Variants in ENDOV observed in about 807,000 individuals in gnomAD.
The protein encoded by ENDOV is endonuclease V.
Under a neutral mutation model 39.4 loss-of-function variants are expected in ENDOV, and 37 were observed. The ratio of observed to expected loss-of-function variants is 0.94; its 90% CI spans 0.72 to 1.23. The LOEUF is 1.23. ENDOV is among the 50% of genes most tolerant of loss of function. The probability of loss-of-function intolerance (pLI) is 0.00; values close to 1 mark genes in which losing one functional copy is unlikely to be tolerated. For missense variants in ENDOV, 441 were observed against 375.7 expected (o/e 1.17, Z -1.44); for synonymous variants, 186 against 163.4 (o/e 1.14, Z -1.05).
chr17:80,422,484 T>A (rs1382709150), intron 4 of ENDOV, among the ~76,000 whole-genome samples: 1 of 152,254 alleles, frequency 6.6e-6, no homozygotes, highest in Non-Finnish European at 1.5e-5. Flanking sequence ...CGCCACTGCC[T>A]TCTCTACAGT....
intron 8 of ENDOV, 146 bp from the exon 9 acceptor site, chr17:80,429,627 C>T (rs1051803106): frequency 3.4e-5 from 24 of 713,132 alleles, no homozygotes; most frequent in Non-Finnish European, 4.9e-5. Context: ...GTCTGAGCAG[C>T]GTGCTCTGCC....
At chr17:80,419,049 T>G (rs868560653) in intron 2 of ENDOV, among the ~76,000 whole-genome samples, 25 of 151,650 alleles carry the variant, frequency 1.6e-4, no homozygotes, top group Non-Finnish European at 2.8e-4. Flanking sequence ...GGCGGGCACC[T>G]GTAGTCCCAG....
chr17:80,419,528 AGT>A (rs1228825734), intron 2 of ENDOV: 2 of 697,922 alleles, frequency 2.9e-6, no homozygotes, highest in African/African-American at 1.7e-5. Flanking sequence ...AGCAATGGCT[AGT>A]GTGTTCTGCT....
chr17:80,418,400 A>T (rs1280486191), intron 2 of ENDOV: 1 of 152,252 alleles, frequency 6.6e-6, no homozygotes, highest in Non-Finnish European at 1.5e-5. Context: ...ACATTGTATT[A>T]AAGTTAGTCA....
chr17:80,416,138 G>A (rs1007917005), intron 2 of ENDOV: 1 of 217,502 alleles, frequency 4.6e-6, no homozygotes, highest in African/African-American at 2.4e-5. Context: ...TCGGAAGGCT[G>A]AGGCGGGAGA....
Position 80,421,798 on chromosome 17 carries a change from C to T in ENDOV, c.229-30C>T, listed in dbSNP as rs775267276. 11 of 1,576,634 alleles carry T rather than the reference C, an allele frequency of 7.0e-6. No homozygotes were observed. In the African/African-American group the frequency reaches 9.4e-5, roughly 14 times the overall value. On this transcript the variant is annotated intron_variant, in intron 2 of 9. Coordinates refer to ENST00000518137, the MANE Select transcript of ENDOV (RefSeq NM_173627.5). ...ATGGAGCAGGTGGCCGAAGGCTGTG[C>T]TTCCCACTGAGCTGCGTGCCTGGTG... is the stretch of plus-strand genomic sequence containing the variant.
chr17:80,427,790 C>T lies in ENDOV; in HGVS notation c.715-806C>T, dbSNP rs892136859. The stretch of plus-strand genomic sequence containing the variant: ...GGCCCCATGGTCACAGGCGCTGCGG[C>T]GCTCCTGGTTGCCAGGTCCAGGCTC... On this transcript the variant is annotated intron_variant, in intron 7 of 9. Coordinates refer to ENST00000518137, the MANE Select transcript of ENDOV (RefSeq NM_173627.5). 1.2e-5 allele frequency: 16 copies of T among 1,289,060 alleles called. No homozygotes were observed. In the African/African-American group the frequency reaches 1.4e-4, roughly 11 times the overall value. The allele number at this position is 1,289,060 out of a possible 1,614,324, so 79.9% of individuals were successfully genotyped here.
Position 80,422,142 on chromosome 17 carries a change from A to T in ENDOV, c.364-64A>T, listed in dbSNP as rs1264939007. ...ACAGTGCCCCCTTCTTGCCTCAGGG[A>T]TGGCCCTGTCCTGAGGGCCGAGGGG... is the stretch of plus-strand genomic sequence containing the variant. On this transcript the variant is annotated intron_variant, in intron 3 of 9. Transcript: ENST00000518137. 15 of 1,601,158 alleles carry T rather than the reference A, an allele frequency of 9.4e-6. No homozygotes were observed. In the Admixed American group the frequency reaches 2.4e-4, roughly 25 times the overall value.
chr17:80,415,796 T>G lies in ENDOV; in HGVS notation c.203T>G (p.Val68Gly), dbSNP rs1431672831. The G allele has an allele frequency of 6.2e-7, 1 of 1,600,758 alleles. No individual in the cohort carries two copies. The highest frequency in any genetic ancestry group is 1.1e-5 in the South Asian group (1 of 88,764). The change falls in exon 2 of 10, where the codon GTG becomes GGG. Residue 68 changes from valine to glycine, a missense_variant. Physicochemically the swap from Val to Gly is moderately radical, Grantham distance 109. Coordinates refer to ENST00000518137, the MANE Select transcript of ENDOV (RefSeq NM_173627.5). ...AGTGTCCGCGCTTGTGCTTCCCTGG[T>G]GGTGCTCAGCTTCCCTGAGCTCGAG... ...GDSVRACASL[V>G]VLSFPELEVV...
chr17:80,421,852 G>A lies in ENDOV; in HGVS notation c.253G>A (p.Val85Ile), dbSNP rs2082077903. Residue 85 changes from valine (V) to isoleucine (I), a missense_variant, in exon 3 of 10, where the codon GTC (valine) becomes ATC (isoleucine). Transcript: ENST00000518137. The stretch of plus-strand genomic sequence containing the variant: ...GGTGGTGTATGAGGAGAGCCGCATG[G>A]TCAGCCTCACAGCCCCCTACGTGTC... The part of the protein sequence containing the change: ...LEVVYEESRM[V>I]SLTAPYVSGF... 3.1e-6 allele frequency: 5 copies of A among 1,602,160 alleles called. No individual in the cohort carries two copies. Among genetic ancestry groups the A allele is most frequent in the Non-Finnish European group, 1.7e-6 (2 of 1,175,024 alleles).
intron 4 of ENDOV, 130 bp downstream of exon 4, chr17:80,422,375 T>C (rs1322346693): frequency 3.5e-6 from 4 of 1,132,056 alleles, no homozygotes; most frequent in Non-Finnish European, 5.1e-6. Context: ...ATGGCTTCTT[T>C]CTCGGCGCAA....
intron 4 of ENDOV, 50 bp downstream of exon 4, chr17:80,422,295 G>A (rs567611139): frequency 2.4e-5 from 39 of 1,600,326 alleles, no homozygotes; most frequent in Non-Finnish European, 3.2e-5. Context: ...GAAGAGCGGG[G>A]GGAGAGGGCA....
chr17:80,417,472 C>G (rs977930485), intron 2 of ENDOV: 3 of 152,204 alleles, frequency 2.0e-5, no homozygotes, highest in African/African-American at 4.8e-5. Context: ...CTACCCACAG[C>G]AGGAATTTAT....
chr17:80,419,988 T>C, intron 2 of ENDOV: 1 of 340,228 alleles, frequency 2.9e-6, no homozygotes, highest in South Asian at 3.9e-5. Flanking sequence ...AATTTGAAAA[T>C]GTACATACAT....
At chr17:80,422,146 C>T in intron 3 of ENDOV, 60 bp from the exon 4 acceptor site, 1 of 1,606,092 alleles carries the variant, frequency 6.2e-7, no homozygotes, top group Non-Finnish European at 8.5e-7. Flanking sequence ...TCAGGGATGG[C>T]CCTGTCCTGA....
At chr17:80,434,052 A>G (rs1292009096) in intron 9 of ENDOV, among the ~76,000 whole-genome samples, 1 of 152,184 alleles carries the variant, frequency 6.6e-6, no homozygotes, top group African/African-American at 2.4e-5. Context: ...ATCCATTAGT[A>G]GTCACTCCCC....
At chr17:80,434,597 C>T (rs1481762155) in intron 9 of ENDOV, among the ~76,000 whole-genome samples, 1 of 152,174 alleles carries the variant, frequency 6.6e-6, no homozygotes, top group African/African-American at 2.4e-5. Flanking sequence ...ACACCCTCAC[C>T]ACCACTTGCT....
At chr17:80,419,766 T>G in intron 2 of ENDOV, 1 of 679,896 alleles carries the variant, frequency 1.5e-6, no homozygotes, top group South Asian at 1.5e-5. Flanking sequence ...AATCCATCTT[T>G]CCGTCTGCAC....
intron 9 of ENDOV, chr17:80,430,136 C>A (rs1402549990): frequency 6.6e-7 from 1 of 1,524,082 alleles, no homozygotes; most frequent in Non-Finnish European, 8.8e-7. Flanking sequence ...GTGACCACGG[C>A]CCCTCTTTGC....
Sources: gnomAD v4.1 joint callset for allele counts (sites outside exome capture counted in the v4.1 genomes callset) on GRCh38, gnomAD v4.1.1 for gene constraint, MANE v1.5 for transcripts, NCBI Gene and HGNC (gene_info 2026-07-23, HGNC 2026-07-21) for gene names.